Variants in CLASP2 observed in about 807,000 individuals in gnomAD.
CLASP2 encodes the protein cytoplasmic linker associated protein 2, also known as CLIP-associating protein 2.
Under a neutral mutation model 194.4 loss-of-function variants are expected in CLASP2, and 47 were observed. The observed-to-expected ratio is 0.24, with a 90% CI of 0.19 to 0.31. The LOEUF (loss-of-function observed/expected upper bound fraction) is 0.31, where lower values mean the gene tolerates loss of function less well. Ranked by LOEUF, CLASP2 falls within the 10% of genes least tolerant of loss-of-function variation. CLASP2 has a pLI of 1.00. For missense variants in CLASP2, 1,445 were observed against 1,823.6 expected (o/e 0.79, Z 3.78); for synonymous variants, 619 against 633.5 (o/e 0.98, Z 0.34).
At chr3:33,681,124 CAAA>C (rs10710771) in intron 6 of CLASP2, among the ~76,000 whole-genome samples, 10 of 96,078 alleles carry the variant, frequency 1.0e-4, no homozygotes, top group Admixed American at 1.0e-4. Context: ...GACTCCATCT[CAAA>C]AAAAAAAAAA....
intron 34 of CLASP2, among the ~76,000 whole-genome samples, chr3:33,531,284 T>C (rs77813777): frequency 0.073 from 11,045 of 152,180 alleles, 497 homozygotes; most frequent in Admixed American, 0.1. Flanking sequence ...GAAGAAATAT[T>C]TGCAAATCAT....
At chr3:33,506,715 T>C (rs982556332) in intron 37 of CLASP2, among the ~76,000 whole-genome samples, 2 of 152,090 alleles carry the variant, frequency 1.3e-5, no homozygotes, top group Non-Finnish European at 2.9e-5. Context: ...GGAAACCCAG[T>C]TGTCCTAGCA....
chr3:33,540,864 C>A (rs1429806425), intron 32 of CLASP2, among the ~76,000 whole-genome samples: 1 of 151,834 alleles, frequency 6.6e-6, no homozygotes, highest in Non-Finnish European at 1.5e-5. Flanking sequence ...CCTCTGCCTC[C>A]TGGGTTCAAG....
chr3:33,500,993 A>C (rs2046724209), intron 38 of CLASP2, among the ~76,000 whole-genome samples: 1 of 152,044 alleles, frequency 6.6e-6, no homozygotes, highest in Admixed American at 6.6e-5. Context: ...TGATCCTCCC[A>C]CCTCGGCCTC....
chr3:33,613,820 T>C (rs1650235903), intron 12 of CLASP2, among the ~76,000 whole-genome samples: 1 of 152,198 alleles, frequency 6.6e-6, no homozygotes, highest in South Asian at 2.1e-4. Flanking sequence ...CACTTCTCCA[T>C]TTTTCTTCTA....
At chr3:33,686,264 C>A (rs139656389) in intron 5 of CLASP2, among the ~76,000 whole-genome samples, 1,644 of 152,286 alleles carry the variant, frequency 0.011, 12 homozygotes, top group South Asian at 0.035. Flanking sequence ...CAGAACACAT[C>A]CCTGTATTAT....
intron 2 of CLASP2, 62 bp downstream of exon 2, chr3:33,696,789 AAACT>A: frequency 9.3e-7 from 1 of 1,078,752 alleles, no homozygotes; most frequent in African/African-American, 1.6e-5. Flanking sequence ...TGCTAAATAA[AAACT>A]AACGAAAAAA....
chr3:33,501,124 T>G (rs1206800487), intron 38 of CLASP2, among the ~76,000 whole-genome samples: 2 of 152,222 alleles, frequency 1.3e-5, no homozygotes, highest in Non-Finnish European at 2.9e-5. Context: ...TTTTTAAGTC[T>G]GAACAATGAA....
At chr3:33,629,011 A>G (rs1006305322) in intron 9 of CLASP2, among the ~76,000 whole-genome samples, 1 of 143,750 alleles carries the variant, frequency 7.0e-6, no homozygotes, top group Non-Finnish European at 1.5e-5. Flanking sequence ...GAAGAACAAG[A>G]AAAAAAAAAA....
intron 24 of CLASP2, chr3:33,574,430 AGTTATG>A: frequency 7.7e-7 from 1 of 1,297,184 alleles, no homozygotes; most frequent in Non-Finnish European, 1.0e-6. Flanking sequence ...AAGAAAAAAA[AGTTATG>A]GTATCATAAG....
At chr3:33,611,915 T>C (rs2075253971) in intron 13 of CLASP2, 86 bp downstream of exon 13, 2 of 925,572 alleles carry the variant, frequency 2.2e-6, no homozygotes, top group Non-Finnish European at 3.3e-6. Context: ...AAGAAATGAA[T>C]GACCAATTCT....
chr3:33,629,382 G>C (rs1207366755), intron 9 of CLASP2, among the ~76,000 whole-genome samples: 1 of 152,128 alleles, frequency 6.6e-6, no homozygotes, highest in Non-Finnish European at 1.5e-5. Context: ...CTTGAAGAAG[G>C]ACCATGTTTC....
intron 20 of CLASP2, 105 bp from the exon 21 acceptor site, chr3:33,592,601 T>C: frequency 1.2e-6 from 1 of 865,338 alleles, no homozygotes; most frequent in South Asian, 1.5e-5. Context: ...AATTCTGTAA[T>C]AATGTAATCA....
chr3:33,647,682 G>A (rs778058926), intron 7 of CLASP2, among the ~76,000 whole-genome samples: 7 of 152,220 alleles, frequency 4.6e-5, no homozygotes, highest in Non-Finnish European at 7.3e-5. Context: ...CAGGAGGGCA[G>A]ATGGTTTTGA....
chr3:33,601,904 G>A (rs2072315900), intron 18 of CLASP2, among the ~76,000 whole-genome samples: 1 of 151,900 alleles, frequency 6.6e-6, no homozygotes, highest in Non-Finnish European at 1.5e-5. Context: ...TATTTAAAAT[G>A]TTTGGGGCCA....
intron 24 of CLASP2, among the ~76,000 whole-genome samples, chr3:33,574,783 G>A (rs2064483597): frequency 1.3e-5 from 2 of 152,096 alleles, no homozygotes; most frequent in East Asian, 3.9e-4. Context: ...CCAAAGTTAA[G>A]TGTATTTCTA....
rs547781609 is a variant in CLASP2 at position 33,674,503 on chromosome 3, C to T, written c.644+9856G>A. 2.6e-5 allele frequency among the ~76,000 whole-genome samples: 4 copies of T among 151,330 alleles called. No homozygotes were observed. In the East Asian group the frequency reaches 5.8e-4, roughly 22 times the overall value. On this transcript the variant is annotated intron_variant, in intron 6 of 38. Transcript: ENST00000682230. ...AAGCAGGAAAGATCCAAAATTGACA[C>T]CCTAACATCACAATTAAAAGAACTA...
chr3:33,620,923 G>A (rs1470616040), intron 11 of CLASP2, among the ~76,000 whole-genome samples: 1 of 152,028 alleles, frequency 6.6e-6, no homozygotes, highest in Non-Finnish European at 1.5e-5. Context: ...TCCTCAGAGA[G>A]TTGTACCTTT....
intron 20 of CLASP2, among the ~76,000 whole-genome samples, chr3:33,593,623 GC>G (rs910075835): frequency 2.0e-5 from 3 of 152,002 alleles, no homozygotes; most frequent in Non-Finnish European, 4.4e-5. Context: ...CAACTTCAAG[GC>G]CCCTAATGAG....
Sources: allele counts gnomAD v4.1 joint callset (sites outside exome capture counted in the v4.1 genomes callset), GRCh38; gene constraint gnomAD v4.1.1; transcripts MANE v1.5; gene names NCBI Gene and HGNC (gene_info 2026-07-23, HGNC 2026-07-21).